ZSCAN10: variants seen among roughly 807,000 people sequenced by gnomAD.
The protein encoded by ZSCAN10 is zinc finger and SCAN domain-containing protein 10.
A neutral mutation model predicts 63.7 loss-of-function variants in ZSCAN10; 52 were observed. The ratio of observed to expected loss-of-function variants is 0.82; its 90% CI spans 0.65 to 1.03. The LOEUF is 1.03. Ranked by LOEUF, ZSCAN10 falls within the 50% of genes least tolerant of loss-of-function variation. ZSCAN10 has a pLI of 0.00. For synonymous variants in ZSCAN10, 544 were observed against 479.6 expected (o/e 1.13, Z -1.76); for missense variants, 1,223 against 1,103.8 (o/e 1.11, Z -1.53).
Position 3,090,183 on chromosome 16 carries a change from C to T in ZSCAN10, c.1251G>A (p.Ser417=), listed in dbSNP as rs752663210. The stretch of plus-strand genomic sequence containing the variant: ...GGGTCAGCAGGTGCTTGCTCAGGTG[C>T]GAGCTCTGGCGGAAGCGGTGGCCGC... ...HLCGHRFRQS[S]HLSKHLLTHS... The change falls in exon 6 of 6, where the codon TCG becomes TCA. Residue 417 remains serine, a synonymous_variant. Coordinates refer to ENST00000576985, the MANE Select transcript of ZSCAN10 (RefSeq NM_032805.3). 6.0e-5 allele frequency: 96 copies of T among 1,604,630 alleles called. No individual in the cohort carries two copies. Among genetic ancestry groups the T allele is most frequent in the Admixed American group, 1.3e-4 (8 of 59,692 alleles).
At chr16:3,090,824 C>T (rs1220635286) in intron 5 of ZSCAN10, among the ~76,000 whole-genome samples, 178 bp from the exon 6 acceptor site, 1 of 146,068 alleles carries the variant, frequency 6.8e-6, no homozygotes, top group Admixed American at 7.0e-5. Flanking sequence ...CCGAGGCGGG[C>T]GGATCACTTG....
intron 1 of ZSCAN10, among the ~76,000 whole-genome samples, chr16:3,096,880 G>C (rs1957159274): frequency 6.7e-6 from 1 of 150,208 alleles, no homozygotes; most frequent in Non-Finnish European, 1.5e-5. Flanking sequence ...AGTGAGACGA[G>C]ATCGTGCCAC....
chr16:3,090,372 C>G lies in ZSCAN10; in HGVS notation c.1062G>C (p.Val354=). ...TCAGGCGAGACAGCTGCGGGAAGCT[C>G]ACCCCGCAGTCCGCGCAGATGAACT... ...ELQFICADCG[V]SFPQLSRLKA... The change falls in exon 6 of 6, where the codon GTG becomes GTC. Residue 354 remains valine (V), a synonymous_variant. Coordinates refer to ENST00000576985, the MANE Select transcript of ZSCAN10 (RefSeq NM_032805.3). 1 of 1,613,128 alleles carries G rather than the reference C, an allele frequency of 6.2e-7. No individual in the cohort carries two copies. The highest frequency in any genetic ancestry group is 8.5e-7 in the Non-Finnish European group (1 of 1,179,760).
rs751185919 is a variant in ZSCAN10, at chr16:3,090,417, G to A, written c.1017C>T (p.Pro339=). ...ILEVKVAEGV[P]EPNPELQFIC... ...TGAACTGCAACTCCGGATTGGGCTC[G>A]GGGACGCCCTCAGCCACTTTGACCT... is the stretch of plus-strand genomic sequence containing the variant. The change falls in exon 6 of 6, where the codon CCC becomes CCT. Residue 339 remains proline, a synonymous_variant. Coordinates refer to ENST00000576985, the MANE Select transcript of ZSCAN10 (RefSeq NM_032805.3). 5.0e-6 allele frequency: 8 copies of A among 1,613,776 alleles called. No individual in the cohort carries two copies. The highest frequency in any genetic ancestry group is 6.8e-6 in the Non-Finnish European group (8 of 1,179,964).
intron 1 of ZSCAN10, among the ~76,000 whole-genome samples, chr16:3,096,040 G>C (rs1957150229): frequency 6.6e-6 from 1 of 152,086 alleles, no homozygotes; most frequent in African/African-American, 2.4e-5. Flanking sequence ...TAGCCACCAG[G>C]AGGCACTGAC....
rs1957047353 is a variant in ZSCAN10 at position 3,090,036 on chromosome 16, A to G, written c.1398T>C (p.Ser466=). 4 of 1,596,948 alleles carry G rather than the reference A, an allele frequency of 2.5e-6. No individual in the cohort carries two copies. Among genetic ancestry groups the G allele is most frequent in the Non-Finnish European group, 3.4e-6 (4 of 1,175,172 alleles). The change falls in exon 6 of 6, where the codon AGT becomes AGC. Residue 466 remains serine (S), a synonymous_variant. Coordinates refer to ENST00000576985, the MANE Select transcript of ZSCAN10 (RefSeq NM_032805.3). ...CGGTCAGTGGCGGCGCTTCGGCCTT[A>G]CTCTCAGGAGCGCAGGGCGGCTTCT... The part of the protein sequence containing the change: ...QDQKPPCAPE[S]KAEAPPLTDV...
intron 5 of ZSCAN10, among the ~76,000 whole-genome samples, chr16:3,091,336 G>C (rs1957071383): frequency 6.6e-6 from 1 of 151,914 alleles, no homozygotes; most frequent in Admixed American, 6.6e-5. Context: ...GTAGGGTCTG[G>C]AGCTTCAGGC....
intron 1 of ZSCAN10, among the ~76,000 whole-genome samples, chr16:3,098,584 C>A (rs1223159011): frequency 2.0e-5 from 3 of 152,142 alleles, no homozygotes; most frequent in Admixed American, 6.5e-5. Context: ...AGGTGGAATT[C>A]GAGACAAGTT....
intron 1 of ZSCAN10, among the ~76,000 whole-genome samples, chr16:3,096,069 C>G (rs1957150521): frequency 6.6e-6 from 1 of 152,196 alleles, no homozygotes; most frequent in Admixed American, 6.5e-5. Flanking sequence ...CCAACCTCCT[C>G]CCAATCTAGG....
At position 3,090,432 on chromosome 16, in the gene ZSCAN10, C is replaced by T. The variant is rs1241855338; in HGVS notation, c.1002G>A (p.Val334=). 1 of 1,613,792 alleles carries T rather than the reference C, an allele frequency of 6.2e-7. No individual in the cohort carries two copies. The highest frequency in any genetic ancestry group is 1.3e-5 in the African/African-American group (1 of 74,932). Residue 334 remains valine, a synonymous_variant, in exon 6 of 6, where the codon GTG becomes GTA. Transcript: ENST00000576985. ...LGSSEILEVK[V]AEGVPEPNPE... ...GATTGGGCTCGGGGACGCCCTCAGC[C>T]ACTTTGACCTCCAAAATTTCACTGC...
intron 1 of ZSCAN10, among the ~76,000 whole-genome samples, chr16:3,093,592 C>T (rs1166522926): frequency 4.6e-5 from 7 of 151,884 alleles, no homozygotes; most frequent in African/African-American, 1.7e-4. Context: ...AAACACCCTG[C>T]CCTTCCCTTC....
At position 3,089,393 on chromosome 16, in the gene ZSCAN10, G is replaced by A. The variant is rs757570236; in HGVS notation, c.2041C>T (p.Arg681Cys). 2.1e-5 allele frequency: 33 copies of A among 1,603,712 alleles called. No individual in the cohort carries two copies. The highest frequency in any genetic ancestry group is 2.6e-5 in the Non-Finnish European group (31 of 1,178,534). ...FRNSSNLARH[R>C]RSHTGERPYS... ...GGCCGCTCGCCCGTGTGGCTGCGGC[G>A]ATGGCGGGCCAGGTTGGAGCTATTG... Residue 681 changes from arginine (R) to cysteine (C), a missense_variant, in exon 6 of 6, where the codon CGC becomes TGC. Physicochemically the swap from Arg to Cys is radical, Grantham distance 180. Coordinates refer to ENST00000576985, the MANE Select transcript of ZSCAN10 (RefSeq NM_032805.3).
Position 3,089,424 on chromosome 16 carries a change from A to C in ZSCAN10, c.2010T>G (p.Arg670=). The C allele has an allele frequency of 6.2e-7, 1 of 1,601,278 alleles. No homozygotes were observed. Among genetic ancestry groups the C allele is most frequent in the Non-Finnish European group, 8.5e-7 (1 of 1,177,308 alleles). ...GGGCCAGGTTGGAGCTATTGCGGAAACGGTGGCCGCAGGTGTCGCAGGCGT... is the reference window on the plus strand; with the variant it reads ...GGGCCAGGTTGGAGCTATTGCGGAACCGGTGGCCGCAGGTGTCGCAGGCGT... ...KPHACDTCGH[R]FRNSSNLARH... Residue 670 remains arginine (R), a synonymous_variant, in exon 6 of 6, where the codon CGT becomes CGG. Coordinates refer to ENST00000576985, the MANE Select transcript of ZSCAN10 (RefSeq NM_032805.3).
intron 5 of ZSCAN10, among the ~76,000 whole-genome samples, chr16:3,091,043 C>G (rs1264104962): frequency 2.6e-5 from 4 of 151,686 alleles, no homozygotes; most frequent in Non-Finnish European, 2.9e-5. Context: ...GCACTCCAGC[C>G]TAGGCAACAC....
rs1374878211 is a variant in ZSCAN10, at chr16:3,090,160, G to A, written c.1274C>T (p.Thr425Ile). ...CAGGAAGGCGGGTTCGGAGGAGTGG[G>A]TCAGCAGGTGCTTGCTCAGGTGCGA... ...QSSHLSKHLL[T>I]HSSEPAFLCA... is the part of the protein sequence containing the mutation. The change falls in exon 6 of 6, where the codon ACC becomes ATC. Residue 425 changes from threonine (T) to isoleucine (I), a missense_variant. Thr to Ile is a moderately conservative substitution (Grantham distance 89). Coordinates refer to ENST00000576985, the MANE Select transcript of ZSCAN10 (RefSeq NM_032805.3). The A allele has an allele frequency of 1.9e-6, 3 of 1,602,956 alleles. No individual in the cohort carries two copies. Among genetic ancestry groups the A allele is most frequent in the Admixed American group, 1.7e-5 (1 of 59,416 alleles).
rs781309006 is a variant in ZSCAN10, at chr16:3,090,131, C to T, written c.1303G>A (p.Ala435Thr). The T allele has an allele frequency of 1.9e-6, 3 of 1,600,252 alleles. No homozygotes were observed. Among genetic ancestry groups the T allele is most frequent in the Admixed American group, 3.4e-5 (2 of 59,132 alleles). Reference protein sequence around the residue: ...THSSEPAFLCAECGRGFQRRA... With the variant: ...THSSEPAFLCTECGRGFQRRA... ...CGCTGGAAGCCGCGGCCGCACTCTG[C>T]GCACAGGAAGGCGGGTTCGGAGGAG... The change falls in exon 6 of 6, where the codon GCA becomes ACA. Residue 435 changes from alanine to threonine, a missense_variant. Ala to Thr is a moderately conservative substitution (Grantham distance 58). Transcript: ENST00000576985.
At position 3,091,882 on chromosome 16, in the gene ZSCAN10, G is replaced by C. The variant is rs1199301235; in HGVS notation, c.665-54C>G. The C allele has an allele frequency of 6.9e-6, 11 of 1,585,492 alleles. No individual in the cohort carries two copies. The East Asian group carries it at 1.4e-4, about 20-fold the overall frequency. The stretch of plus-strand genomic sequence containing the variant: ...GTGCTGTTAGAAGGCAGCCCTGCCT[G>C]CCATATGGCTGCAAGGACACACACC... On this transcript the variant is annotated intron_variant, in intron 3 of 5. Transcript: ENST00000576985.
intron 5 of ZSCAN10, among the ~76,000 whole-genome samples, chr16:3,090,934 G>A (rs1250364485): frequency 6.6e-6 from 1 of 151,880 alleles, no homozygotes; most frequent in Non-Finnish European, 1.5e-5. Context: ...GCTGGGTGTA[G>A]TGGCGCATGC....
rs185364182 is a variant in ZSCAN10, at chr16:3,089,189, C to T, written c.2245G>A (p.Ala749Thr). ...CACTGCGTGCAGGAGTAGGGCCTGG[C>T]GCCCGTGTGCACCAGCAGGTGTCGC... Reference protein sequence around the residue: ...LLRHLLVHTGARPYSCTQCGR... With the variant: ...LLRHLLVHTGTRPYSCTQCGR... Residue 749 changes from alanine (A) to threonine (T), a missense_variant, in exon 6 of 6, where the codon GCC becomes ACC. Ala to Thr is a moderately conservative substitution (Grantham distance 58). Transcript: ENST00000576985. The T allele has an allele frequency of 6.3e-6, 10 of 1,577,022 alleles. No individual in the cohort carries two copies. The highest frequency in any genetic ancestry group is 2.3e-5 in the East Asian group (1 of 44,022).
Sources: allele counts gnomAD v4.1 joint callset (sites outside exome capture counted in the v4.1 genomes callset), GRCh38; gene constraint gnomAD v4.1.1; transcripts MANE v1.5; gene names NCBI Gene and HGNC (gene_info 2026-07-23, HGNC 2026-07-21).